NRG3: variants seen among roughly 807,000 people sequenced by gnomAD.
The protein encoded by NRG3 is neuregulin 3.
Under a neutral mutation model 66.9 loss-of-function variants are expected in NRG3, and 31 were observed. The observed-to-expected ratio is 0.46, with a 90% confidence interval of 0.35 to 0.63. The LOEUF is 0.63. Among genes scored for constraint, NRG3 ranks in the 20% least tolerant of loss-of-function variants. The pLI is 0.00. For synonymous variants in NRG3, 393 were observed against 359.4 expected, an observed-to-expected ratio of 1.09 and a Z score of -1.06; for missense variants, 910 against 878.9, an observed-to-expected ratio of 1.04 and a Z score of -0.45.
At chr10:82,406,710 G>A (rs971366728) in intron 2 of NRG3, among the ~76,000 whole-genome samples, 1 of 152,084 alleles carries the variant, frequency 6.6e-6, no homozygotes, top group African/African-American at 2.4e-5. Flanking sequence ...TCTGACTCCT[G>A]AGGATTTTTT....
At position 82,985,231 on chromosome 10, in the gene NRG3, T is replaced by C. The variant is rs956376810; in HGVS notation, c.1717T>C (p.Ser573Pro). 4.3e-6 allele frequency: 7 copies of C among 1,614,178 alleles called. No homozygotes were observed. Among genetic ancestry groups the C allele is most frequent in the Non-Finnish European group, 5.1e-6 (6 of 1,180,006 alleles). ...GGGCTATTCATCCACAAGGGCCAGT[T>C]CTGTGCCCATCATCCCTTCAGTGGG... The part of the protein sequence containing the change: ...LVGYSSTRAS[S>P]VPIIPSVGLE... Residue 573 changes from serine to proline, a missense_variant, in exon 9 of 9, where the codon TCT (serine) becomes CCT (proline). Ser to Pro is a moderately conservative substitution (Grantham distance 74, BLOSUM62 -1). Transcript: ENST00000372141.
At chr10:82,408,133 A>AAGAAAGAAAGAAAG (rs1564888538) in intron 2 of NRG3, among the ~76,000 whole-genome samples, 1 of 149,080 alleles carries the variant, frequency 6.7e-6, no homozygotes, top group African/African-American at 2.4e-5. Context: ...GAAAGAAAGA[A>AAGAAAGAAAGAAAG]AGAAAGAAAG....
chr10:82,424,263 C>G (rs1178480604), intron 2 of NRG3, among the ~76,000 whole-genome samples: 1 of 151,962 alleles, frequency 6.6e-6, no homozygotes, highest in Non-Finnish European at 1.5e-5. Context: ...TAAATCCCAC[C>G]AGCAAAAATG....
chr10:82,787,501 T>C (rs183022402), intron 3 of NRG3, among the ~76,000 whole-genome samples: 2 of 152,270 alleles, frequency 1.3e-5, no homozygotes, highest in Admixed American at 1.3e-4. Context: ...TTCCAGGTCT[T>C]AGTTTCAAGA....
At chr10:82,258,487 G>A (rs17099665) in intron 1 of NRG3, among the ~76,000 whole-genome samples, 10,597 of 152,214 alleles carry the variant, frequency 0.07, 726 homozygotes, top group African/African-American at 0.18. Flanking sequence ...AGGCATCCTT[G>A]TTGTATCTAT....
At chr10:81,905,581 A>C (rs1268181550) in intron 1 of NRG3, among the ~76,000 whole-genome samples, 1 of 152,184 alleles carries the variant, frequency 6.6e-6, no homozygotes, top group African/African-American at 2.4e-5. Context: ...ATTCAATAGA[A>C]CATAACTTGA....
intron 1 of NRG3, among the ~76,000 whole-genome samples, chr10:82,073,650 G>T (rs1479608561): frequency 1.3e-5 from 2 of 152,008 alleles, no homozygotes. Context: ...ATATAATAGG[G>T]ATGTGCTATA....
Position 81,875,385 on chromosome 10 carries a change from G to C in NRG3, c.45G>C (p.Ser15=). ...AAAASPPGAA[S]AAAASAEEGT... is the part of the protein sequence containing the mutation. ...CTGCCTCGCCACCTGGTGCCGCTTC[G>C]GCAGCCGCCGCCTCGGCCGAGGAGG... Residue 15 remains serine (S), a synonymous_variant, in exon 1 of 9, where the codon TCG becomes TCC. Coordinates refer to ENST00000372141, the MANE Select transcript of NRG3 (RefSeq NM_001010848.4). This position sits in a 1 kb window ranked among gnomAD's most constrained non-coding sequence, Gnocchi z 5.3. The C allele has an allele frequency of 1.0e-6, 1 of 995,320 alleles. No individual in the cohort carries two copies. The highest frequency in any genetic ancestry group is 1.2e-6 in the Non-Finnish European group (1 of 838,290). 61.7% of individuals were successfully genotyped at this position (995,320 alleles called of 1,614,324 possible). A position where few individuals can be genotyped will look rare whatever the true frequency, so the allele number is the denominator to read the frequency against.
intron 1 of NRG3, among the ~76,000 whole-genome samples, chr10:82,313,300 G>T (rs201779062): frequency 2.0e-5 from 3 of 151,982 alleles, no homozygotes; most frequent in Admixed American, 1.3e-4. Flanking sequence ...TAGTGTCACT[G>T]CACTCCAGCC....
At chr10:82,130,012 C>G (rs1323930631) in intron 1 of NRG3, among the ~76,000 whole-genome samples, 1 of 151,984 alleles carries the variant, frequency 6.6e-6, no homozygotes, top group Non-Finnish European at 1.5e-5. Flanking sequence ...ACTACCCTTC[C>G]AAGCCTCTAG....
intron 2 of NRG3, among the ~76,000 whole-genome samples, chr10:82,588,625 C>G (rs2046810445): frequency 6.6e-6 from 1 of 152,098 alleles, no homozygotes; most frequent in Admixed American, 6.6e-5. Context: ...GCCTCAGCCT[C>G]CCGAGTAGCT....
chr10:82,199,399 G>T (rs1409753407), intron 1 of NRG3, among the ~76,000 whole-genome samples: 2 of 152,082 alleles, frequency 1.3e-5, no homozygotes, highest in African/African-American at 4.8e-5. Flanking sequence ...GCTCTGCTTA[G>T]TTCAAACATG....
At chr10:82,849,780 A>G (rs183605597) in intron 3 of NRG3, among the ~76,000 whole-genome samples, 5 of 152,208 alleles carry the variant, frequency 3.3e-5, no homozygotes, top group Non-Finnish European at 7.4e-5. Flanking sequence ...AGTAAGGGAG[A>G]GGGGAAAGGT....
intron 2 of NRG3, among the ~76,000 whole-genome samples, chr10:82,620,747 A>G (rs2048990055): frequency 6.6e-6 from 1 of 152,170 alleles, no homozygotes. Context: ...TTTTGACTTG[A>G]TGGTGGGGTT....
At chr10:82,566,362 A>C (rs1007199512) in intron 2 of NRG3, among the ~76,000 whole-genome samples, 1 of 152,038 alleles carries the variant, frequency 6.6e-6, no homozygotes, top group Non-Finnish European at 1.5e-5. Flanking sequence ...GAATCGAAGA[A>C]AAATGCTTCG....
At chr10:82,930,968 G>A (rs1330612670) in intron 4 of NRG3, among the ~76,000 whole-genome samples, 1 of 152,158 alleles carries the variant, frequency 6.6e-6, no homozygotes, top group Non-Finnish European at 1.5e-5. Context: ...AAAATGTACT[G>A]TCATTTGGAA....
At chr10:82,545,010 A>T (rs1003247215) in intron 2 of NRG3, among the ~76,000 whole-genome samples, 1 of 152,164 alleles carries the variant, frequency 6.6e-6, no homozygotes, top group Admixed American at 6.5e-5. Flanking sequence ...AACAGCAACT[A>T]CTTAAGAGAT....
chr10:82,237,510 G>A (rs774779779), intron 1 of NRG3, among the ~76,000 whole-genome samples: 3 of 151,766 alleles, frequency 2.0e-5, no homozygotes, highest in Non-Finnish European at 4.4e-5. Flanking sequence ...CTCTGTGAAG[G>A]CTGAACTATG....
intron 1 of NRG3, among the ~76,000 whole-genome samples, chr10:82,072,875 T>C (rs544069113): frequency 1.4e-4 from 22 of 152,120 alleles, no homozygotes; most frequent in Non-Finnish European, 2.5e-4. Flanking sequence ...CAAGTGAGCC[T>C]TCCTCCTCAG....
Sources: gnomAD v4.1 joint callset for allele counts (sites outside exome capture counted in the v4.1 genomes callset) on GRCh38, gnomAD v4.1.1 for gene constraint, Gnocchi (gnomAD v3.1) non-coding constraint, MANE v1.5 for transcripts, NCBI Gene and HGNC (gene_info 2026-07-23, HGNC 2026-07-21) for gene names.